The following FHIT variants were observed in gnomAD, a reference collection of about 807,000 sequenced individuals.
The protein encoded by FHIT is fragile histidine triad diadenosine triphosphatase, also known as bis(5'-adenosyl)-triphosphatase.
FHIT carries 19 observed loss-of-function variants against 17.9 expected under a neutral mutation model. The observed-to-expected ratio is 1.06, with a 90% CI of 0.74 to 1.56. The LOEUF is 1.56. Ranked by LOEUF, FHIT falls within the 40% of genes most tolerant of loss-of-function variation. The pLI, the probability that FHIT is intolerant of heterozygous loss-of-function variation, is 0.00. For synonymous variants in FHIT, 81 were observed against 69.7 expected (o/e 1.16, Z -0.81); for missense variants, 248 against 189.2 (o/e 1.31, Z -1.82).
chr3:60,445,271 GACC>G (rs1345450634), intron 5 of FHIT, among the ~76,000 whole-genome samples: 1 of 152,064 alleles, frequency 6.6e-6, no homozygotes, highest in Non-Finnish European at 1.5e-5. Flanking sequence ...CTAGCCTGAG[GACC>G]ACATTTTGAG....
intron 5 of FHIT, among the ~76,000 whole-genome samples, chr3:60,209,653 T>C (rs1284504400): frequency 2.6e-5 from 4 of 152,204 alleles, no homozygotes; most frequent in Admixed American, 6.5e-5. Flanking sequence ...AACCATTCAA[T>C]AGGGCTTTTG....
At chr3:60,927,673 AC>A (rs1217173599) in intron 3 of FHIT, among the ~76,000 whole-genome samples, 5 of 149,636 alleles carry the variant, frequency 3.3e-5, no homozygotes, top group Non-Finnish European at 5.9e-5. Flanking sequence ...CCTGGCCGCC[AC>A]CCCGTCTGGG....
At chr3:59,828,791 C>CT (rs1338616269) in intron 8 of FHIT, among the ~76,000 whole-genome samples, 1 of 149,514 alleles carries the variant, frequency 6.7e-6, no homozygotes, top group Admixed American at 6.7e-5. Flanking sequence ...AAGTTTTATA[C>CT]TTTTTTAAGA....
intron 5 of FHIT, among the ~76,000 whole-genome samples, chr3:60,449,268 G>C (rs563794574): frequency 6.6e-6 from 1 of 152,148 alleles, no homozygotes; most frequent in Non-Finnish European, 1.5e-5. Context: ...GCAACATCTT[G>C]TTCTAGCCTT....
intron 5 of FHIT, among the ~76,000 whole-genome samples, chr3:60,347,771 T>C (rs1016930094): frequency 6.6e-6 from 1 of 152,088 alleles, no homozygotes; most frequent in African/African-American, 2.4e-5. Context: ...TTTTCATTTT[T>C]TTTTGAGACA....
At chr3:60,694,619 G>C (rs2107893464) in intron 4 of FHIT, among the ~76,000 whole-genome samples, 2 of 152,274 alleles carry the variant, frequency 1.3e-5, no homozygotes, top group East Asian at 3.9e-4. Flanking sequence ...GCACACATAT[G>C]TTTATTGCGG....
intron 4 of FHIT, among the ~76,000 whole-genome samples, chr3:60,613,994 C>T (rs1256628501): frequency 6.6e-6 from 1 of 152,022 alleles, no homozygotes; most frequent in African/African-American, 2.4e-5. Context: ...GGCAGAAAAT[C>T]AACAGAGCAG....
At chr3:61,209,927 C>T (rs1276587664) in intron 1 of FHIT, among the ~76,000 whole-genome samples, 2 of 151,856 alleles carry the variant, frequency 1.3e-5, no homozygotes, top group South Asian at 2.1e-4. Flanking sequence ...TCTGTTTTTT[C>T]CCCATCTTTG....
chr3:60,284,655 C>T (rs1707632349), intron 5 of FHIT, among the ~76,000 whole-genome samples: 1 of 152,078 alleles, frequency 6.6e-6, no homozygotes, highest in Non-Finnish European at 1.5e-5. Context: ...AAGAATGAGA[C>T]ATTCCCATTT....
At chr3:60,554,918 A>G (rs962785507) in intron 4 of FHIT, among the ~76,000 whole-genome samples, 2 of 152,184 alleles carry the variant, frequency 1.3e-5, no homozygotes, top group Admixed American at 1.3e-4. Context: ...TTACAGTGTC[A>G]ATTATAGCTA....
chr3:61,099,423 T>C lies in FHIT; in HGVS notation c.-163-57324A>G, dbSNP rs148910801. 3.7e-3 allele frequency among the ~76,000 whole-genome samples: 559 copies of C among 152,310 alleles called. 2 individuals carry two copies. Among genetic ancestry groups the C allele is most frequent in the African/African-American group, 0.013 (534 of 41,580 alleles). ...TCAGGTTTTGATATCAGGATGCTGC[T>C]GGCCTCATAGAATGAGTTAGGGAGG... On this transcript the variant is annotated intron_variant, in intron 2 of 9. Transcript: ENST00000492590.
At chr3:60,333,498 C>T (rs1559828691) in intron 5 of FHIT, among the ~76,000 whole-genome samples, 1 of 151,570 alleles carries the variant, frequency 6.6e-6, no homozygotes, top group Non-Finnish European at 1.5e-5. Flanking sequence ...GAATTACAAA[C>T]CAATTGAACT....
intron 5 of FHIT, among the ~76,000 whole-genome samples, chr3:60,146,760 G>A (rs1431918646): frequency 6.6e-6 from 1 of 152,126 alleles, no homozygotes; most frequent in Non-Finnish European, 1.5e-5. Flanking sequence ...GATTAAATCT[G>A]CAGCAAAAGT....
At chr3:60,253,791 T>G (rs1705844633) in intron 5 of FHIT, among the ~76,000 whole-genome samples, 1 of 152,150 alleles carries the variant, frequency 6.6e-6, no homozygotes, top group South Asian at 2.1e-4. Flanking sequence ...GAAAAACTAA[T>G]GAAATAAAAC....
intron 4 of FHIT, among the ~76,000 whole-genome samples, chr3:60,590,159 T>A (rs1273495170): frequency 3.9e-5 from 6 of 152,174 alleles, no homozygotes; most frequent in African/African-American, 1.4e-4. Context: ...TTTTAAATAT[T>A]ATGAACCAAA....
At chr3:59,992,641 G>A (rs568317041) in intron 7 of FHIT, among the ~76,000 whole-genome samples, 1 of 152,152 alleles carries the variant, frequency 6.6e-6, no homozygotes, top group South Asian at 2.1e-4. Flanking sequence ...ATTGATTAGA[G>A]TTTTTCCCAT....
intron 4 of FHIT, among the ~76,000 whole-genome samples, chr3:60,651,542 T>G (rs2682950): frequency 0.6 from 68,228 of 113,620 alleles, 16,679 homozygotes; most frequent in Non-Finnish European, 0.65. Context: ...AGATCCAATC[T>G]TTTTTTTTTT....
At chr3:61,036,219 G>C (rs922606096) in intron 3 of FHIT, among the ~76,000 whole-genome samples, 1 of 152,070 alleles carries the variant, frequency 6.6e-6, no homozygotes, top group Non-Finnish European at 1.5e-5. Context: ...AGTGTGGTAG[G>C]TTCCACACAC....
chr3:61,082,828 A>G (rs2035182603), intron 2 of FHIT, among the ~76,000 whole-genome samples: 1 of 152,128 alleles, frequency 6.6e-6, no homozygotes, highest in South Asian at 2.1e-4. Context: ...CCTCTTTTGT[A>G]AAGGGCTTGT....
Sources: allele counts gnomAD v4.1 joint callset (sites outside exome capture counted in the v4.1 genomes callset), GRCh38; gene constraint gnomAD v4.1.1; transcripts MANE v1.5; gene names NCBI Gene and HGNC (gene_info 2026-07-23, HGNC 2026-07-21).